Variants in KRT79 observed in about 807,000 individuals in gnomAD.
KRT79 encodes keratin, type II cytoskeletal 79.
KRT79 carries 51 observed loss-of-function variants against 49.0 expected under a neutral mutation model. The observed-to-expected ratio is 1.04, with a 90% confidence interval of 0.83 to 1.31. The LOEUF (loss-of-function observed/expected upper bound fraction) is 1.31, where lower values mean the gene tolerates loss of function less well. KRT79 is among the 40% of genes most tolerant of loss of function. KRT79 has a pLI of 0.00. For missense variants in KRT79, 728 were observed against 688.0 expected (o/e 1.06, Z -0.65); for synonymous variants, 312 against 286.6 (o/e 1.09, Z -0.90).
At chr12:52,829,776 C>A (rs1405581526) in intron 4 of KRT79, among the ~76,000 whole-genome samples, 1 of 152,156 alleles carries the variant, frequency 6.6e-6, no homozygotes, top group Non-Finnish European at 1.5e-5. Context: ...TGGCAGGCAC[C>A]TGTAGTCCCA....
intron 6 of KRT79, among the ~76,000 whole-genome samples, chr12:52,823,652 G>A (rs73104499): frequency 0.045 from 6,800 of 152,258 alleles, 167 homozygotes; most frequent in African/African-American, 0.06. Context: ...GGATGGATCA[G>A]TTTCCTTGGA....
intron 4 of KRT79, among the ~76,000 whole-genome samples, chr12:52,826,733 G>A (rs1271151965): frequency 6.6e-6 from 1 of 151,998 alleles, no homozygotes; most frequent in Non-Finnish European, 1.5e-5. Context: ...CCAGGCCAGA[G>A]GGAGGCCACC....
chr12:52,824,269 C>CG lies in KRT79; in HGVS notation c.948dup (p.Glu317ArgfsTer7). Reference sequence around the variant, plus strand: ...ATCAGCTCATACTGGGCCTTGACCTCGGCGATGATGCTGTCCAGGTCCAGG... The same window carrying CG: ...ATCAGCTCATACTGGGCCTTGACCTCGGGCGATGATGCTGTCCAGGTCCAGG... On this transcript the variant is annotated frameshift_variant, in exon 5 of 9. Transcript: ENST00000330553. LOFTEE classifies it high-confidence loss of function. 6.2e-7 allele frequency: 1 copy of CG among 1,614,226 alleles called. No homozygotes were observed. Among genetic ancestry groups the CG allele is most frequent in the South Asian group, 1.1e-5 (1 of 91,084 alleles).
intron 6 of KRT79, among the ~76,000 whole-genome samples, chr12:52,823,560 C>T (rs746181170): frequency 6.6e-6 from 1 of 152,176 alleles, no homozygotes; most frequent in Non-Finnish European, 1.5e-5. Context: ...ACTTTTTAGC[C>T]GTTCTAAAGG....
Position 52,833,958 on chromosome 12 carries a change from GCCAGCC to G in KRT79, c.297_302del (p.Ala100_Gly101del), listed in dbSNP as rs1940295561. 2 of 1,613,170 alleles carry G rather than the reference GCCAGCC, an allele frequency of 1.2e-6. No individual in the cohort carries two copies. Among genetic ancestry groups the G allele is most frequent in the East Asian group, 4.5e-5 (2 of 44,836 alleles). On this transcript the variant is annotated inframe_deletion, in exon 1 of 9. Transcript: ENST00000330553. ...GACAAGCAGGCCCAAACGTCTGCCTGCCAGCCCCCTGTCCCATAAATGCCCTGCTGC... is the reference window on the plus strand; with the variant it reads ...GACAAGCAGGCCCAAACGTCTGCCTGCCCTGTCCCATAAATGCCCTGCTGC...
At chr12:52,832,176 G>A (rs1187226673) in intron 1 of KRT79, among the ~76,000 whole-genome samples, 1 of 152,062 alleles carries the variant, frequency 6.6e-6, no homozygotes, top group Non-Finnish European at 1.5e-5. Context: ...GCTGAAGTGG[G>A]AGGATCACTT....
intron 2 of KRT79, among the ~76,000 whole-genome samples, chr12:52,830,738 C>T (rs566224373): frequency 1.1e-4 from 16 of 152,198 alleles, no homozygotes; most frequent in Admixed American, 3.9e-4. Flanking sequence ...TTTAAATGTG[C>T]GTGTTTAAAA....
chr12:52,823,332 C>A, intron 6 of KRT79, 96 bp from the exon 7 acceptor site: 2 of 948,192 alleles, frequency 2.1e-6, no homozygotes, highest in South Asian at 1.4e-5. Flanking sequence ...TCCCACATCC[C>A]TGCCCCCAAC....
chr12:52,831,876 AGTTG>A (rs943423582), intron 1 of KRT79, among the ~76,000 whole-genome samples: 27 of 152,364 alleles, frequency 1.8e-4, no homozygotes, highest in African/African-American at 6.3e-4. Context: ...CCAATTTACT[AGTTG>A]GTAACCTTGG....
intron 1 of KRT79, among the ~76,000 whole-genome samples, chr12:52,832,424 A>C (rs1179317245): frequency 6.6e-6 from 1 of 151,840 alleles, no homozygotes; most frequent in Non-Finnish European, 1.5e-5. Flanking sequence ...TCCTCTATAG[A>C]CTCAGAAGGA....
chr12:52,823,207 T>A lies in KRT79; in HGVS notation c.1176A>T (p.Glu392Asp), dbSNP rs189056887. The part of the protein sequence containing the change: ...QCQQLQTAIA[E>D]AEQRGELALK... ...GTGCCAGCTCCCCACGCTGCTCCGC[T>A]TCCGCAATGGCCGTCTGCAGCTGCT... Residue 392 changes from glutamate to aspartate, a missense_variant, in exon 7 of 9, where the codon GAA becomes GAT. Transcript: ENST00000330553. 1 of 1,614,178 alleles carries A rather than the reference T, an allele frequency of 6.2e-7. No individual in the cohort carries two copies. The highest frequency in any genetic ancestry group is 2.2e-5 in the East Asian group (1 of 44,880).
intron 4 of KRT79, among the ~76,000 whole-genome samples, chr12:52,826,941 G>T (rs1940183926): frequency 6.6e-6 from 1 of 152,194 alleles, no homozygotes; most frequent in Non-Finnish European, 1.5e-5. Context: ...CGGAGGCACT[G>T]CTGGGCCGTG....
rs1249962451 is a variant in KRT79, at chr12:52,821,971, T to A, written c.1509A>T (p.Thr503=). 2 of 1,614,194 alleles carry A rather than the reference T, an allele frequency of 1.2e-6. No homozygotes were observed. Among genetic ancestry groups the A allele is most frequent in the Admixed American group, 3.3e-5 (2 of 60,024 alleles). The change falls in exon 9 of 9, where the codon ACA becomes ACT. Residue 503 remains threonine, a synonymous_variant. Transcript: ENST00000330553. ...CCTTGACGGTGCTATAGCCCACATT[T>A]GTGCTGAATCCACCCTTGGTGGCCC... ...SGGATKGGFS[T]NVGYSTVKGG...
At chr12:52,828,415 T>C (rs1940205466) in intron 4 of KRT79, among the ~76,000 whole-genome samples, 1 of 152,244 alleles carries the variant, frequency 6.6e-6, no homozygotes. Flanking sequence ...TTAACATGTG[T>C]ATCAATGATT....
chr12:52,824,491 C>T, intron 4 of KRT79, 129 bp from the exon 5 acceptor site: 2 of 875,924 alleles, frequency 2.3e-6, no homozygotes, highest in Non-Finnish European at 3.4e-6. Context: ...CAGCCTAGAG[C>T]AAAGTAAGGA....
intron 7 of KRT79, 37 bp from the exon 8 acceptor site, chr12:52,822,416 A>G (rs763157852): frequency 6.9e-7 from 1 of 1,457,424 alleles, no homozygotes; most frequent in East Asian, 2.3e-5. Context: ...GCAGTCAGTT[A>G]TCCCTGGTGC....
At chr12:52,827,163 A>C (rs1273054581) in intron 4 of KRT79, among the ~76,000 whole-genome samples, 1 of 152,190 alleles carries the variant, frequency 6.6e-6, no homozygotes, top group Non-Finnish European at 1.5e-5. Flanking sequence ...TAGCCCTTCC[A>C]TCAAGATCCA....
At position 52,833,882 on chromosome 12, in the gene KRT79, G is replaced by T. The variant is rs776754666; in HGVS notation, c.379C>A (p.Leu127Ile). 1 of 1,613,738 alleles carries T rather than the reference G, an allele frequency of 6.2e-7. No homozygotes were observed. The highest frequency in any genetic ancestry group is 8.5e-7 in the Non-Finnish European group (1 of 1,179,818). ...VTVNQSLLTP[L>I]HVEIDPEIQR... is the part of the protein sequence containing the mutation. ...ATCTCGGGGTCAATCTCCACATGGA[G>T]GGGGGTCAGCAGGCTCTGGTTGACA... Residue 127 changes from leucine to isoleucine, a missense_variant, in exon 1 of 9, where the codon CTC becomes ATC. Coordinates refer to ENST00000330553, the MANE Select transcript of KRT79 (RefSeq NM_175834.3).
At chr12:52,823,265 A>C (rs1592316094) in intron 6 of KRT79, 29 bp from the exon 7 acceptor site, 1 of 1,590,018 alleles carries the variant, frequency 6.3e-7, no homozygotes, top group South Asian at 1.1e-5. Context: ...TGTTGGAAGC[A>C]CCCTCCGGGG....
Sources: allele counts gnomAD v4.1 joint callset (sites outside exome capture counted in the v4.1 genomes callset), GRCh38; gene constraint gnomAD v4.1.1; transcripts MANE v1.5; gene names NCBI Gene and HGNC (gene_info 2026-07-23, HGNC 2026-07-21).